The following TSC22D1 variants were observed in gnomAD, a reference collection of about 807,000 sequenced individuals.
The protein encoded by TSC22D1 is TSC22 domain family member 1.
Under a neutral mutation model 74.2 loss-of-function variants are expected in TSC22D1, and 9 were observed. The observed-to-expected ratio is 0.12, with a 90% confidence interval of 0.07 to 0.21. The LOEUF (loss-of-function observed/expected upper bound fraction) is 0.21, where lower values mean the gene tolerates loss of function less well. Among genes scored for constraint, TSC22D1 ranks in the 10% least tolerant of loss-of-function variants. The probability of loss-of-function intolerance (pLI) is 1.00; values close to 1 mark genes in which losing one functional copy is unlikely to be tolerated. For missense variants in TSC22D1, 1,427 were observed against 1,304.7 expected (o/e 1.09, Z -1.44); for synonymous variants, 586 against 492.5 (o/e 1.19, Z -2.51).
At chr13:44,550,778 T>C (rs542025403) in intron 1 of TSC22D1, among the ~76,000 whole-genome samples, 1 of 147,976 alleles carries the variant, frequency 6.8e-6, no homozygotes, top group South Asian at 2.2e-4. Context: ...ACTCCATCTC[T>C]ACAAAAATTT....
chr13:44,473,487 C>A (rs1877721556), intron 1 of TSC22D1, among the ~76,000 whole-genome samples: 1 of 151,800 alleles, frequency 6.6e-6, no homozygotes, highest in Admixed American at 6.6e-5. Flanking sequence ...AGAGCAAGAC[C>A]CCTGACTCTA....
At chr13:44,436,751 T>G in intron 1 of TSC22D1, 3 of 1,483,030 alleles carry the variant, frequency 2.0e-6, no homozygotes, top group Non-Finnish European at 2.7e-6. Flanking sequence ...CAGCCCTAAT[T>G]TAAAGAAACC....
intron 1 of TSC22D1, among the ~76,000 whole-genome samples, chr13:44,565,465 T>C (rs911616670): frequency 2.0e-5 from 3 of 152,116 alleles, no homozygotes; most frequent in Non-Finnish European, 4.4e-5. Context: ...GGGCAGCTTT[T>C]GAATATATGT....
chr13:44,433,866 A>G lies in TSC22D1; in HGVS notation c.*760T>C. On this transcript the variant is annotated 3_prime_UTR_variant, in exon 3 of 3. Transcript: ENST00000458659. ...GCAGTTTTTATGTAGATCTATATAT[A>G]AAAGTCCACACCTCCTCAGACAGCC... The G allele has an allele frequency of 2.0e-6, 2 of 1,000,904 alleles. No homozygotes were observed. Among genetic ancestry groups the G allele is most frequent in the Non-Finnish European group, 2.8e-6 (2 of 718,940 alleles). 62.0% of individuals were successfully genotyped at this position (1,000,904 alleles called of 1,614,324 possible). A position where few individuals can be genotyped will look rare whatever the true frequency, so the allele number is the denominator to read the frequency against.
chr13:44,539,651 T>C (rs1460330689), intron 1 of TSC22D1: 19 of 1,151,270 alleles, frequency 1.7e-5, no homozygotes, highest in Non-Finnish European at 2.1e-5. Flanking sequence ...ACAAAACAGA[T>C]TGCAGTCCCA....
chr13:44,434,339 T>C lies in TSC22D1; in HGVS notation c.*287A>G. The C allele has an allele frequency of 7.3e-7, 1 of 1,378,740 alleles. No homozygotes were observed. Among genetic ancestry groups the C allele is most frequent in the Non-Finnish European group, 9.3e-7 (1 of 1,075,830 alleles). The allele number at this position is 1,378,740 out of a possible 1,614,324, so 85.4% of individuals were successfully genotyped here. A position where few individuals can be genotyped will look rare whatever the true frequency, so the allele number is the denominator to read the frequency against. Reference sequence around the variant, plus strand: ...AAGGGATGGAAAGGCACACAGCTCCTGAGCATGAATTAAACCATTTCTCAG... The same window carrying C: ...AAGGGATGGAAAGGCACACAGCTCCCGAGCATGAATTAAACCATTTCTCAG... On this transcript the variant is annotated 3_prime_UTR_variant, in exon 3 of 3. Transcript: ENST00000458659.
chr13:44,479,340 T>A (rs998607509), intron 1 of TSC22D1, among the ~76,000 whole-genome samples: 2 of 151,652 alleles, frequency 1.3e-5, no homozygotes, highest in African/African-American at 4.8e-5. Flanking sequence ...TTTTTTTTTT[T>A]TAGCTCACCA....
At chr13:44,459,112 A>G (rs1876848276) in intron 1 of TSC22D1, among the ~76,000 whole-genome samples, 1 of 152,154 alleles carries the variant, frequency 6.6e-6, no homozygotes, top group African/African-American at 2.4e-5. Flanking sequence ...AGGCCCACTC[A>G]TGGCCGTCCA....
At position 44,434,588 on chromosome 13, in the gene TSC22D1, T is replaced by G. The variant is rs1874361035; in HGVS notation, c.*38A>C. 1 of 1,511,676 alleles carries G rather than the reference T, an allele frequency of 6.6e-7. No homozygotes were observed. Among genetic ancestry groups the G allele is most frequent in the African/African-American group, 1.4e-5 (1 of 71,568 alleles). 93.6% of individuals were successfully genotyped at this position (1,511,676 alleles called of 1,614,324 possible). A position where few individuals can be genotyped will look rare whatever the true frequency, so the allele number is the denominator to read the frequency against. ...TAGCACATCTTCTCCGTCTGTTCAG[T>G]TCACACGCAGCAGCCAGTTCTGCGG... On this transcript the variant is annotated 3_prime_UTR_variant, in exon 3 of 3. Transcript: ENST00000458659.
At chr13:44,555,405 T>G (rs1051733811) in intron 1 of TSC22D1, among the ~76,000 whole-genome samples, 1 of 152,046 alleles carries the variant, frequency 6.6e-6, no homozygotes, top group Non-Finnish European at 1.5e-5. Context: ...CCTCAGGAAT[T>G]TGAGACCAGA....
intron 1 of TSC22D1, among the ~76,000 whole-genome samples, chr13:44,556,866 G>A (rs1216679649): frequency 1.3e-5 from 2 of 152,056 alleles, no homozygotes; most frequent in South Asian, 2.1e-4. Context: ...ATTCAAGGCC[G>A]AGCATGGTGT....
At chr13:44,455,729 C>A (rs9533856) in intron 1 of TSC22D1, among the ~76,000 whole-genome samples, 1 of 152,038 alleles carries the variant, frequency 6.6e-6, no homozygotes, top group Non-Finnish European at 1.5e-5. Flanking sequence ...CATAGGGAAT[C>A]TATTACAGAG....
chr13:44,547,088 G>T (rs1223055046), intron 1 of TSC22D1, among the ~76,000 whole-genome samples: 2 of 151,892 alleles, frequency 1.3e-5, no homozygotes, highest in African/African-American at 2.4e-5. Context: ...GCAACTTTTG[G>T]TAAGTCTAAA....
At chr13:44,453,012 C>A (rs765856376) in intron 1 of TSC22D1, among the ~76,000 whole-genome samples, 5 of 152,164 alleles carry the variant, frequency 3.3e-5, no homozygotes, top group Non-Finnish European at 7.3e-5. Flanking sequence ...GAACTACAGT[C>A]TCACAGATTG....
At chr13:44,444,312 AAGAAAAG>A (rs1875455992) in intron 1 of TSC22D1, among the ~76,000 whole-genome samples, 3 of 129,624 alleles carry the variant, frequency 2.3e-5, no homozygotes, top group Admixed American at 7.9e-5. Context: ...AAAAAAAGAA[AAGAAAAG>A]AAAAAGAAAA....
chr13:44,485,208 C>G (rs771506434), intron 1 of TSC22D1, among the ~76,000 whole-genome samples: 2 of 151,880 alleles, frequency 1.3e-5, no homozygotes, highest in Non-Finnish European at 2.9e-5. Context: ...CATGCTGCCC[C>G]CCATCACCAA....
At chr13:44,449,357 T>C (rs1332802246) in intron 1 of TSC22D1, among the ~76,000 whole-genome samples, 1 of 152,242 alleles carries the variant, frequency 6.6e-6, no homozygotes, top group Non-Finnish European at 1.5e-5. Context: ...ATTTTCAAAT[T>C]GTCCTTTCAT....
chr13:44,551,341 G>GTC (rs71070914), intron 1 of TSC22D1, among the ~76,000 whole-genome samples: 11 of 148,974 alleles, frequency 7.4e-5, no homozygotes, highest in Non-Finnish European at 1.6e-4. Flanking sequence ...GTGTGTGTGT[G>GTC]ACCCTGTCTC....
Position 44,533,594 on chromosome 13 carries a change from G to T in TSC22D1, c.2912+39569C>A, listed in dbSNP as rs552063104. Among the ~76,000 whole-genome samples, 14 of 152,158 alleles carry T rather than the reference G, an allele frequency of 9.2e-5. No homozygotes were observed. In the South Asian group the frequency reaches 2.9e-3, roughly 32 times the overall value. On this transcript the variant is annotated intron_variant, in intron 1 of 2. Transcript: ENST00000458659. ...AGGTCAGGAGTTCAAGACCTGCCTG[G>T]CCACCATGGTGAAGCCCCATCTCTA...
Sources: gnomAD v4.1 joint callset for allele counts (sites outside exome capture counted in the v4.1 genomes callset) on GRCh38, gnomAD v4.1.1 for gene constraint, MANE v1.5 for transcripts, NCBI Gene and HGNC (gene_info 2026-07-23, HGNC 2026-07-21) for gene names.